Variants in CHAF1A observed in about 807,000 individuals in gnomAD.
CHAF1A encodes chromatin assembly factor 1 subunit A.
In CHAF1A, 5 loss-of-function variants were observed where a neutral mutation model predicts 93.2. The observed-to-expected ratio is 0.05, with a 90% confidence interval of 0.03 to 0.11. The LOEUF is 0.11. Ranked by LOEUF, CHAF1A falls within the 10% of genes least tolerant of loss-of-function variation. The pLI, the probability that CHAF1A is intolerant of heterozygous loss-of-function variation, is 1.00. For missense variants in CHAF1A, 1,102 were observed against 1,259.9 expected (o/e 0.87, Z 1.90); for synonymous variants, 504 against 510.3 (o/e 0.99, Z 0.17).
intron 13 of CHAF1A, among the ~76,000 whole-genome samples, chr19:4,440,224 A>G (rs1010413210): frequency 3.3e-5 from 5 of 152,158 alleles, no homozygotes; most frequent in African/African-American, 1.2e-4. Flanking sequence ...GTTCATGCAC[A>G]GAGAGGGTAA....
downstream of CHAF1A, chr19:4,448,658 G>A (rs1974592384): frequency 1.8e-6 from 1 of 551,080 alleles, no homozygotes; most frequent in Non-Finnish European, 3.3e-6. Context: ...GCCTTCTCAA[G>A]GCTAGATCCA....
intron 1 of CHAF1A, among the ~76,000 whole-genome samples, chr19:4,404,834 G>C (rs991147679): frequency 8.6e-5 from 13 of 150,918 alleles, no homozygotes; most frequent in African/African-American, 3.2e-4. Flanking sequence ...CATCTGCTTT[G>C]ATATTATTAG....
downstream of CHAF1A, chr19:4,447,452 C>A: frequency 7.3e-7 from 1 of 1,367,556 alleles, no homozygotes; most frequent in Non-Finnish European, 1.0e-6. Context: ...GCTAGCTCCT[C>A]CAGGGAGCCC....
intron 7 of CHAF1A, among the ~76,000 whole-genome samples, chr19:4,425,695 A>G (rs1974068698): frequency 6.6e-6 from 1 of 152,164 alleles, no homozygotes; most frequent in Non-Finnish European, 1.5e-5. Flanking sequence ...GTCCCTGCAC[A>G]TGCTTCTCTG....
chr19:4,411,274 G>C (rs969825971), intron 3 of CHAF1A, among the ~76,000 whole-genome samples: 2 of 152,086 alleles, frequency 1.3e-5, no homozygotes, highest in African/African-American at 4.8e-5. Flanking sequence ...CTGTCACCCA[G>C]GCTGGAGTAC....
chr19:4,430,626 C>T lies in CHAF1A; in HGVS notation c.1932C>T (p.Asp644=), dbSNP rs367816858. 1.9e-5 allele frequency: 30 copies of T among 1,612,888 alleles called. No homozygotes were observed. In the African/African-American group the frequency reaches 2.8e-4, roughly 15 times the overall value. The change falls in exon 11 of 15, where the codon GAC becomes GAT. Residue 644 remains aspartate, a synonymous_variant. Transcript: ENST00000301280. ...TGCCCCATGGGTACCTGTCTGAGGA[C>T]GAAGGTGTGACAGAGGTGAGGGAGT... ...FFVPHGYLSE[D]EGVTEECADP...
chr19:4,420,267 C>T (rs1249197139), intron 4 of CHAF1A, among the ~76,000 whole-genome samples: 2 of 151,262 alleles, frequency 1.3e-5, no homozygotes, highest in African/African-American at 4.9e-5. Context: ...TATTTTGAGA[C>T]AGTCTCGCTC....
chr19:4,430,532 T>C lies in CHAF1A; in HGVS notation c.1855-17T>C. On this transcript the variant is annotated splice_polypyrimidine_tract_variant and intron_variant, in intron 10 of 14. Coordinates refer to ENST00000301280, the MANE Select transcript of CHAF1A (RefSeq NM_005483.3). ...GCTTTTCTATCTGATGAACTCTTTT[T>C]TTTTTCTCCTTTTGAGGATGATGAT... 1 of 1,534,014 alleles carries C rather than the reference T, an allele frequency of 6.5e-7. No homozygotes were observed. Among genetic ancestry groups the C allele is most frequent in the South Asian group, 1.1e-5 (1 of 89,460 alleles).
chr19:4,446,665 C>T (rs757835676), downstream of CHAF1A: 11 of 1,612,042 alleles, frequency 6.8e-6, no homozygotes, highest in African/African-American at 1.3e-5. Context: ...CCTCTCCAGG[C>T]TCTGGGGCTG....
intron 11 of CHAF1A, chr19:4,430,938 A>G: frequency 2.5e-6 from 1 of 400,446 alleles, no homozygotes; most frequent in Non-Finnish European, 4.7e-6. Flanking sequence ...CCGAGCTGAC[A>G]TACAGTCAGC....
At chr19:4,423,688 CAGT>C (rs1974030558) in intron 6 of CHAF1A, 115 bp from the exon 7 acceptor site, 3 of 1,075,234 alleles carry the variant, frequency 2.8e-6, no homozygotes, top group Non-Finnish European at 4.2e-6. Context: ...CTGAAAATCA[CAGT>C]AGTGCCTTCA....
chr19:4,447,800 A>T (rs1047918211), downstream of CHAF1A: 1 of 647,464 alleles, frequency 1.5e-6, no homozygotes, highest in Non-Finnish European at 2.8e-6. Flanking sequence ...CACACCTCGG[A>T]CACCCCATGG....
Position 4,422,490 on chromosome 19 carries a change from C to G in CHAF1A, c.1018-76C>G. Reference sequence around the variant, plus strand: ...GTTCATCCCGTCCAGGCCGTGCTGTCCTCCATGCTGTGAACCGAGCTTCCT... The same window carrying G: ...GTTCATCCCGTCCAGGCCGTGCTGTGCTCCATGCTGTGAACCGAGCTTCCT... On this transcript the variant is annotated intron_variant, in intron 4 of 14. Transcript: ENST00000301280. The surrounding 1 kb of genome is among the most constrained non-coding windows in gnomAD (Gnocchi z 4.6). 4 of 1,327,438 alleles carry G rather than the reference C, an allele frequency of 3.0e-6. No individual in the cohort carries two copies. Among genetic ancestry groups the G allele is most frequent in the Non-Finnish European group, 4.2e-6 (4 of 947,844 alleles). 82.2% of individuals were successfully genotyped at this position (1,327,438 alleles called of 1,614,324 possible).
chr19:4,447,293 C>T, downstream of CHAF1A: 1 of 576,062 alleles, frequency 1.7e-6, no homozygotes, highest in Middle Eastern at 4.6e-4. Flanking sequence ...TGTTCCCAAA[C>T]AAGCCCAGCT....
chr19:4,440,110 C>T (rs1568183923), intron 13 of CHAF1A, among the ~76,000 whole-genome samples: 1 of 152,142 alleles, frequency 6.6e-6, no homozygotes, highest in Admixed American at 6.5e-5. Context: ...TGTTGCTGTG[C>T]GGTCACTTTT....
chr19:4,437,288 C>A (rs1974302455), intron 13 of CHAF1A, among the ~76,000 whole-genome samples: 1 of 152,062 alleles, frequency 6.6e-6, no homozygotes, highest in Non-Finnish European at 1.5e-5. Context: ...GGGAGGGGCA[C>A]ACAGGTGGGA....
At chr19:4,423,712 C>A in intron 6 of CHAF1A, 94 bp from the exon 7 acceptor site, 1 of 1,274,116 alleles carries the variant, frequency 7.8e-7, no homozygotes, top group Non-Finnish European at 1.1e-6. Context: ...AGCTAAAATG[C>A]TTGACGTTCG....
chr19:4,417,261 G>A (rs1286900935), intron 3 of CHAF1A, among the ~76,000 whole-genome samples: 1 of 152,036 alleles, frequency 6.6e-6, no homozygotes, highest in Non-Finnish European at 1.5e-5. Flanking sequence ...ATGAGCCACT[G>A]TGCCCGTCTG....
At chr19:4,445,158 C>T (rs763970890), downstream of CHAF1A, 3 of 295,148 alleles carry the variant, frequency 1.0e-5, no homozygotes, top group Non-Finnish European at 2.0e-5. Context: ...CACACGGGAA[C>T]AGGACCCATG....
Sources: gnomAD v4.1 joint callset for allele counts (sites outside exome capture counted in the v4.1 genomes callset) on GRCh38, gnomAD v4.1.1 for gene constraint, Gnocchi (gnomAD v3.1) non-coding constraint, MANE v1.5 for transcripts, NCBI Gene and HGNC (gene_info 2026-07-23, HGNC 2026-07-21) for gene names.